MAMDC2: variants seen among roughly 807,000 people sequenced by gnomAD.
MAMDC2 encodes the protein MAM domain containing 2.
MAMDC2 carries 57 observed loss-of-function variants against 89.8 expected under a neutral mutation model. The observed-to-expected ratio is 0.63, with a 90% CI of 0.51 to 0.79. MAMDC2 has a LOEUF of 0.79. Ranked by LOEUF, MAMDC2 falls within the 30% of genes least tolerant of loss-of-function variation. MAMDC2 has a pLI of 0.00. For missense variants in MAMDC2, 800 were observed against 820.6 expected, an observed-to-expected ratio of 0.97 and a Z score of 0.31; for synonymous variants, 313 against 293.4, an observed-to-expected ratio of 1.07 and a Z score of -0.68.
chr9:70,084,822 T>G (rs1366147466), intron 2 of MAMDC2, among the ~76,000 whole-genome samples: 3 of 151,986 alleles, frequency 2.0e-5, no homozygotes, highest in African/African-American at 7.2e-5. Context: ...TGAAGGCAAC[T>G]TTTCTCCACT....
At chr9:70,142,801 C>T (rs2031270654) in intron 8 of MAMDC2, among the ~76,000 whole-genome samples, 2 of 152,036 alleles carry the variant, frequency 1.3e-5, no homozygotes, top group South Asian at 4.2e-4. Flanking sequence ...CAAAAGAAAA[C>T]TGACAGGAGG....
intron 2 of MAMDC2, among the ~76,000 whole-genome samples, chr9:70,074,853 AT>A: frequency 6.6e-6 from 1 of 152,110 alleles, no homozygotes; most frequent in Admixed American, 6.5e-5. Context: ...AGAGCCCTGC[AT>A]TTTCTTTTTG....
rs1299475422 is a variant in MAMDC2, at chr9:70,126,458, A to C, written c.900+43A>C. 3.2e-6 allele frequency: 5 copies of C among 1,580,658 alleles called. No individual in the cohort carries two copies. The South Asian group carries it at 3.5e-5, about 11-fold the overall frequency. Reference sequence around the variant, plus strand: ...CACCAGCTGTTCACTGGCACTCTTTAGACATGCCACCCACACACAGGGCTG... The same window carrying C: ...CACCAGCTGTTCACTGGCACTCTTTCGACATGCCACCCACACACAGGGCTG... On this transcript the variant is annotated intron_variant, in intron 6 of 13. Coordinates refer to ENST00000377182, the MANE Select transcript of MAMDC2 (RefSeq NM_153267.5).
At chr9:70,126,894 A>G (rs1052149733) in intron 6 of MAMDC2, among the ~76,000 whole-genome samples, 2 of 151,996 alleles carry the variant, frequency 1.3e-5, no homozygotes, top group Non-Finnish European at 2.9e-5. Context: ...TCGTAAAATC[A>G]GAAACAAACT....
At chr9:70,142,495 T>G (rs1184520240) in intron 8 of MAMDC2, among the ~76,000 whole-genome samples, 3 of 152,210 alleles carry the variant, frequency 2.0e-5, no homozygotes, top group Admixed American at 2.0e-4. Flanking sequence ...TTCTGGCTGT[T>G]GTATGGCCAT....
Position 70,048,144 on chromosome 9 carries a change from A to G in MAMDC2, c.148+3447A>G, listed in dbSNP as rs148849570. On this transcript the variant is annotated intron_variant, in intron 2 of 13. Transcript: ENST00000377182. ...TGTCCTGCTTTCTTGATCTCCCTCT[A>G]TTCTTTTTGTAGAATATTTTAATTT... Among the ~76,000 whole-genome samples the G allele has an allele frequency of 3.9e-3, 592 of 152,244 alleles. 2 individuals are homozygous for G. Among genetic ancestry groups the G allele is most frequent in the African/African-American group, 0.014 (566 of 41,550 alleles).
At chr9:70,190,469 C>T (rs1371796891) in intron 11 of MAMDC2, among the ~76,000 whole-genome samples, 7 of 152,032 alleles carry the variant, frequency 4.6e-5, no homozygotes, top group Non-Finnish European at 7.4e-5. Flanking sequence ...AGTGCTCTAG[C>T]GGGAAGTTTA....
intron 9 of MAMDC2, among the ~76,000 whole-genome samples, chr9:70,159,833 G>A (rs938604994): frequency 1.3e-5 from 2 of 152,152 alleles, no homozygotes; most frequent in Admixed American, 6.5e-5. Context: ...TATGGGAGGT[G>A]GGCCAGAGAG....
intron 7 of MAMDC2, among the ~76,000 whole-genome samples, chr9:70,138,006 G>A (rs958614764): frequency 3.9e-5 from 6 of 152,116 alleles, no homozygotes; most frequent in Admixed American, 1.3e-4. Flanking sequence ...CCATCCTGGC[G>A]TAACATACAT....
In MAMDC2 at chr9:70,108,464, C is replaced by G. The variant is rs115193308; in HGVS notation, c.402C>G (p.Asn134Lys). 1 of 1,600,076 alleles carries G rather than the reference C, an allele frequency of 6.2e-7. No individual in the cohort carries two copies. The highest frequency in any genetic ancestry group is 1.8e-5 in the Admixed American group (1 of 56,998). ...TCATAGCCAGCTTGGATTTGCAAAACAGTTCCAAGAAATTCAAGGTAGGTG... is the reference window on the plus strand; with the variant it reads ...TCATAGCCAGCTTGGATTTGCAAAAGAGTTCCAAGAAATTCAAGGTAGGTG... ...SWLIASLDLQ[N>K]SSKKFKILIE... The change falls in exon 3 of 14, where the codon AAC becomes AAG. Residue 134 changes from asparagine to lysine, a missense_variant. By Grantham distance (94) the Asn-to-Lys change is moderately conservative. Transcript: ENST00000377182.
At chr9:70,215,880 C>T (rs1202951871) in intron 11 of MAMDC2, among the ~76,000 whole-genome samples, 4 of 152,104 alleles carry the variant, frequency 2.6e-5, no homozygotes, top group Admixed American at 6.5e-5. Context: ...ATGCTTTCTC[C>T]CACTGTTTTA....
chr9:70,144,365 C>T (rs1351346420), intron 9 of MAMDC2, among the ~76,000 whole-genome samples: 1 of 152,162 alleles, frequency 6.6e-6, no homozygotes, highest in Non-Finnish European at 1.5e-5. Flanking sequence ...GAACCGTCAG[C>T]ATCTGATTTT....
chr9:70,085,508 A>G (rs553628956), intron 2 of MAMDC2, among the ~76,000 whole-genome samples: 48 of 152,162 alleles, frequency 3.2e-4, no homozygotes, highest in Admixed American at 2.4e-3. Flanking sequence ...GTCAACATAT[A>G]TTCCTGCCTA....
At chr9:70,204,409 C>G (rs2033173050) in intron 11 of MAMDC2, among the ~76,000 whole-genome samples, 1 of 151,672 alleles carries the variant, frequency 6.6e-6, no homozygotes, top group Non-Finnish European at 1.5e-5. Flanking sequence ...GGCAGTCTGC[C>G]AGTTCTCAGA....
Position 70,109,985 on chromosome 9 carries a change from T to C in MAMDC2, c.505+181T>C, listed in dbSNP as rs191462980. On this transcript the variant is annotated intron_variant, in intron 4 of 13. Coordinates refer to ENST00000377182, the MANE Select transcript of MAMDC2 (RefSeq NM_153267.5). ...TACTGTATGTTTTTTGTCTTTAGTGTGGGAAGGCTCATTAGAATCTGCCTG... is the reference window on the plus strand; with the variant it reads ...TACTGTATGTTTTTTGTCTTTAGTGCGGGAAGGCTCATTAGAATCTGCCTG... Among the ~76,000 whole-genome samples, 601 of 152,302 alleles carry C rather than the reference T, an allele frequency of 3.9e-3. 2 individuals are homozygous for C. The highest frequency in any genetic ancestry group is 4.8e-3 in the Non-Finnish European group (326 of 68,030).
At chr9:70,151,152 T>C (rs930671370) in intron 9 of MAMDC2, among the ~76,000 whole-genome samples, 5 of 152,154 alleles carry the variant, frequency 3.3e-5, no homozygotes, top group African/African-American at 1.2e-4. Context: ...GCCCTAGCCA[T>C]TCCCATATCA....
rs2033629661 is a variant in MAMDC2 at position 70,225,754 on chromosome 9, T to C, written c.1916T>C (p.Ile639Thr). The change falls in exon 13 of 14, where the codon ATT becomes ACT. Residue 639 changes from isoleucine to threonine, a missense_variant. Coordinates refer to ENST00000377182, the MANE Select transcript of MAMDC2 (RefSeq NM_153267.5). ...TCAAACATATTATTCTTTCAGATAA[T>C]TTTTGAAGCCATTCGAGGAGTATCA... ...EYSCERQHQI[I>T]FEAIRGVSIR... 3.2e-6 allele frequency: 5 copies of C among 1,586,110 alleles called. No homozygotes were observed. Among genetic ancestry groups the C allele is most frequent in the Non-Finnish European group, 3.5e-6 (4 of 1,155,026 alleles).
At chr9:70,134,100 C>T (rs1477432751) in intron 7 of MAMDC2, among the ~76,000 whole-genome samples, 3 of 152,150 alleles carry the variant, frequency 2.0e-5, no homozygotes, top group African/African-American at 7.2e-5. Context: ...CTCTGCTTTT[C>T]CCAGCTGGAC....
At chr9:70,059,337 C>G (rs1827095347) in intron 2 of MAMDC2, among the ~76,000 whole-genome samples, 1 of 152,148 alleles carries the variant, frequency 6.6e-6, no homozygotes, top group Non-Finnish European at 1.5e-5. Flanking sequence ...GAAGGTACCC[C>G]TTACAAATGA....
Sources: allele counts gnomAD v4.1 joint callset (sites outside exome capture counted in the v4.1 genomes callset), GRCh38; gene constraint gnomAD v4.1.1; transcripts MANE v1.5; gene names NCBI Gene and HGNC (gene_info 2026-07-23, HGNC 2026-07-21).